SLC15A1: variants seen among roughly 807,000 people sequenced by gnomAD.
SLC15A1 encodes the protein solute carrier family 15 member 1, also known as Caco-2 oligopeptide transporter.
A neutral mutation model predicts 92.9 loss-of-function variants in SLC15A1; 83 were observed. That is an observed-to-expected ratio of 0.89 (90% CI 0.75 to 1.07). The LOEUF (loss-of-function observed/expected upper bound fraction) is 1.07, where lower values mean the gene tolerates loss of function less well. Among genes scored for constraint, SLC15A1 ranks in the 50% least tolerant of loss-of-function variants. The pLI is 0.00. For synonymous variants in SLC15A1, 322 were observed against 318.2 expected (o/e 1.01, Z -0.13); for missense variants, 857 against 880.1 (o/e 0.97, Z 0.33).
intron 1 of SLC15A1, among the ~76,000 whole-genome samples, chr13:98,727,174 C>T (rs2088309294): frequency 6.6e-6 from 1 of 152,232 alleles, no homozygotes; most frequent in Non-Finnish European, 1.5e-5. Flanking sequence ...ATAAAATCCA[C>T]ACATTCTAGC....
Position 98,726,862 on chromosome 13 carries a change from A to G in SLC15A1, c.5-3T>C, listed in dbSNP as rs770350003. ...ACTCACGTGTGATTTGGACATTCCT[A>G]AAAGAAAAACAGAATCCCAATATTA... On this transcript the variant is annotated splice_polypyrimidine_tract_variant and splice_region_variant and intron_variant, in intron 1 of 22. Transcript: ENST00000376503. 1.2e-6 allele frequency: 2 copies of G among 1,613,262 alleles called. No homozygotes were observed. The highest frequency in any genetic ancestry group is 1.7e-6 in the Non-Finnish European group (2 of 1,179,162).
chr13:98,729,227 T>G (rs9517423), intron 1 of SLC15A1, among the ~76,000 whole-genome samples: 3 of 151,888 alleles, frequency 2.0e-5, no homozygotes, highest in African/African-American at 7.3e-5. Flanking sequence ...AAAAATCATA[T>G]GTACCCCATA....
intron 18 of SLC15A1, among the ~76,000 whole-genome samples, chr13:98,691,249 G>T (rs1326659854): frequency 3.9e-5 from 6 of 152,094 alleles, no homozygotes; most frequent in Non-Finnish European, 8.8e-5. Context: ...GTGTTAGCCA[G>T]CATGGTCTCA....
chr13:98,708,910 G>T, intron 14 of SLC15A1, 143 bp from the exon 15 acceptor site: 2 of 494,788 alleles, frequency 4.0e-6, no homozygotes, highest in Non-Finnish European at 7.1e-6. Context: ...TCTTGGTCAT[G>T]GATTCATGAG....
At chr13:98,723,230 C>T (rs78438301) in intron 5 of SLC15A1, among the ~76,000 whole-genome samples, 3,327 of 152,236 alleles carry the variant, frequency 0.022, 106 homozygotes, top group African/African-American at 0.076. Context: ...ATCAAGAGAT[C>T]CAGTCTGGAC....
At chr13:98,738,311 A>G (rs1594009063) in intron 1 of SLC15A1, among the ~76,000 whole-genome samples, 1 of 152,264 alleles carries the variant, frequency 6.6e-6, no homozygotes, top group South Asian at 2.1e-4. Context: ...ACCACTTGCC[A>G]GAGATATTTG....
chr13:98,696,681 TG>T (rs2088024190), intron 18 of SLC15A1, among the ~76,000 whole-genome samples: 1 of 151,922 alleles, frequency 6.6e-6, no homozygotes, highest in South Asian at 2.1e-4. Flanking sequence ...ATGGCAGCTG[TG>T]TATGAGCACG....
At chr13:98,696,469 A>C (rs556428463) in intron 18 of SLC15A1, among the ~76,000 whole-genome samples, 9 of 152,182 alleles carry the variant, frequency 5.9e-5, no homozygotes, top group Admixed American at 3.9e-4. Context: ...AGCTTTAACA[A>C]CACCAAAACA....
chr13:98,710,231 G>A (rs1400414184), intron 11 of SLC15A1, among the ~76,000 whole-genome samples: 3 of 152,128 alleles, frequency 2.0e-5, no homozygotes, highest in African/African-American at 2.4e-5. Context: ...GCATGGCATC[G>A]TCTGCAAGGT....
intron 7 of SLC15A1, 85 bp from the exon 8 acceptor site, chr13:98,719,405 T>C (rs2088236646): frequency 9.5e-6 from 9 of 948,530 alleles, no homozygotes; most frequent in Non-Finnish European, 1.5e-5. Flanking sequence ...TCACTGATAA[T>C]TACGTATTGC....
At chr13:98,737,356 T>C (rs991562703) in intron 1 of SLC15A1, among the ~76,000 whole-genome samples, 27 of 152,050 alleles carry the variant, frequency 1.8e-4, no homozygotes, top group Non-Finnish European at 3.7e-4. Context: ...AGTGGGGAGT[T>C]TGGGGAGGTA....
At chr13:98,752,428 G>C (rs925394817) in intron 1 of SLC15A1, among the ~76,000 whole-genome samples, 167 bp downstream of exon 1, 1 of 152,046 alleles carries the variant, frequency 6.6e-6, no homozygotes, top group African/African-American at 2.4e-5. Context: ...GTGACCACCC[G>C]GGAGGGGATC....
intron 18 of SLC15A1, among the ~76,000 whole-genome samples, chr13:98,689,962 G>T (rs1183686973): frequency 6.6e-6 from 1 of 152,200 alleles, no homozygotes; most frequent in Admixed American, 6.5e-5. Context: ...CATACAGATG[G>T]TGAACAGCAC....
At chr13:98,747,888 A>C (rs1323729558) in intron 1 of SLC15A1, among the ~76,000 whole-genome samples, 1 of 152,182 alleles carries the variant, frequency 6.6e-6, no homozygotes, top group Admixed American at 6.5e-5. Flanking sequence ...TCAAAAAACA[A>C]ATGAACAAAC....
intron 18 of SLC15A1, among the ~76,000 whole-genome samples, chr13:98,688,878 G>A (rs2087953755): frequency 6.6e-6 from 1 of 152,210 alleles, no homozygotes; most frequent in Non-Finnish European, 1.5e-5. Flanking sequence ...AGGGACTGAA[G>A]TAGATACTGA....
chr13:98,688,556 CT>C lies in SLC15A1; in HGVS notation c.1487del (p.Glu496GlyfsTer7). The C allele has an allele frequency of 6.2e-7, 1 of 1,613,626 alleles. No individual in the cohort carries two copies. The highest frequency in any genetic ancestry group is 2.2e-5 in the East Asian group (1 of 44,862). ...TCCCACTCATTGTGATGGTGATGAG[CT>C]CGTTAAAAGTATTTACAAATCTGAA... is the stretch of plus-strand genomic sequence containing the variant. Reference protein sequence around the residue: ...NGIRFVNTFNELITITMSGKV... With the variant: ...NGIRFVNTFNXLITITMSGKV... On this transcript the variant is annotated frameshift_variant, in exon 19 of 23. Transcript: ENST00000376503. LOFTEE classifies it high-confidence loss of function.
intron 1 of SLC15A1, among the ~76,000 whole-genome samples, chr13:98,729,574 A>G (rs2088331000): frequency 6.6e-6 from 1 of 152,208 alleles, no homozygotes; most frequent in South Asian, 2.1e-4. Flanking sequence ...CACGCCAGCT[A>G]TCCAGAGCAG....
At chr13:98,727,769 A>C (rs1480216094) in intron 1 of SLC15A1, among the ~76,000 whole-genome samples, 2 of 152,038 alleles carry the variant, frequency 1.3e-5, no homozygotes, top group African/African-American at 2.4e-5. Flanking sequence ...CGTGTCTATC[A>C]CATACTACCC....
chr13:98,744,938 G>A (rs1206865594), intron 1 of SLC15A1, among the ~76,000 whole-genome samples: 2 of 152,020 alleles, frequency 1.3e-5, no homozygotes, highest in Non-Finnish European at 1.5e-5. Flanking sequence ...CCATAAAAAT[G>A]TCAGGTGACT....
Sources: allele counts gnomAD v4.1 joint callset (sites outside exome capture counted in the v4.1 genomes callset), GRCh38; gene constraint gnomAD v4.1.1; transcripts MANE v1.5; gene names NCBI Gene and HGNC (gene_info 2026-07-23, HGNC 2026-07-21).